The following NOL4L variants were observed in gnomAD, a reference collection of about 807,000 sequenced individuals.
NOL4L encodes nucleolar protein 4-like.
Under a neutral mutation model 64.5 loss-of-function variants are expected in NOL4L, and 7 were observed. The observed-to-expected ratio is 0.11, with a 90% CI of 0.06 to 0.20. The LOEUF (loss-of-function observed/expected upper bound fraction) is 0.20. Among genes scored for constraint, NOL4L ranks in the 10% least tolerant of loss-of-function variants. The pLI is 1.00. For synonymous variants in NOL4L, 413 were observed against 401.0 expected, an observed-to-expected ratio of 1.03 and a Z score of -0.36; for missense variants, 680 against 967.1, an observed-to-expected ratio of 0.70 and a Z score of 3.94.
chr20:32,509,909 A>T (rs1426735516), intron 4 of NOL4L: 1 of 1,304,198 alleles, frequency 7.7e-7, no homozygotes, highest in Admixed American at 2.3e-5. Flanking sequence ...AACAGTGTTT[A>T]CGAAGCCAGG....
At chr20:32,567,572 G>A (rs750449472) in intron 1 of NOL4L, among the ~76,000 whole-genome samples, 10 of 152,204 alleles carry the variant, frequency 6.6e-5, no homozygotes, top group Non-Finnish European at 1.5e-4. Context: ...CCCCACAGAG[G>A]GAGGAAACTG....
chr20:32,469,992 G>A (rs1334541980), intron 5 of NOL4L, among the ~76,000 whole-genome samples: 1 of 152,254 alleles, frequency 6.6e-6, no homozygotes, highest in Admixed American at 6.5e-5. Context: ...GCCCAGGTTG[G>A]AGGAGCGGCC....
intron 4 of NOL4L, among the ~76,000 whole-genome samples, chr20:32,497,329 C>G (rs1307579400): frequency 6.7e-6 from 1 of 150,110 alleles, no homozygotes; most frequent in African/African-American, 2.5e-5. Flanking sequence ...AAGGACCCAT[C>G]AGGCTGACAA....
intron 1 of NOL4L, among the ~76,000 whole-genome samples, chr20:32,557,057 G>T (rs536905790): frequency 1.3e-5 from 2 of 152,350 alleles, no homozygotes; most frequent in East Asian, 3.9e-4. Flanking sequence ...CTTTTCTGCA[G>T]CTGTTACAGG....
At chr20:32,565,314 G>A (rs79232117) in intron 1 of NOL4L, among the ~76,000 whole-genome samples, 19,013 of 151,982 alleles carry the variant, frequency 0.13, 1,568 homozygotes, top group African/African-American at 0.23. Flanking sequence ...GCCTGCCTGC[G>A]GCCTGAGCTT....
intron 2 of NOL4L, among the ~76,000 whole-genome samples, chr20:32,523,722 C>T (rs992770392): frequency 3.3e-5 from 5 of 152,224 alleles, no homozygotes; most frequent in South Asian, 2.1e-4. Context: ...AACTGCCCTC[C>T]GCTGCCCTGG....
At chr20:32,459,896 C>T (rs563178311) in intron 5 of NOL4L, among the ~76,000 whole-genome samples, 137 of 152,232 alleles carry the variant, frequency 9.0e-4, no homozygotes, top group Middle Eastern at 3.4e-3. Context: ...TCTATTCATA[C>T]GATGGAATAG....
intron 5 of NOL4L, among the ~76,000 whole-genome samples, chr20:32,459,841 T>G (rs748539166): frequency 2.0e-5 from 3 of 152,218 alleles, no homozygotes; most frequent in African/African-American, 7.2e-5. Context: ...ACCCATTATT[T>G]ATATTTTTAA....
At chr20:32,468,777 T>C (rs1440474060) in intron 5 of NOL4L, among the ~76,000 whole-genome samples, 1 of 151,284 alleles carries the variant, frequency 6.6e-6, no homozygotes, top group Non-Finnish European at 1.5e-5. Flanking sequence ...TGCACGCCTG[T>C]AATCCCAGCT....
chr20:32,526,542 T>C (rs2018140124), intron 2 of NOL4L, among the ~76,000 whole-genome samples: 1 of 150,458 alleles, frequency 6.6e-6, no homozygotes, highest in Non-Finnish European at 1.5e-5. Flanking sequence ...GGGGAAATTA[T>C]AGACTTTACA....
At chr20:32,562,677 C>T (rs554624815) in intron 1 of NOL4L, among the ~76,000 whole-genome samples, 30 of 152,136 alleles carry the variant, frequency 2.0e-4, no homozygotes, top group African/African-American at 5.8e-4. Context: ...AGAATGCTCC[C>T]GGCCTGGTAT....
chr20:32,488,815 T>TTC lies in NOL4L; in HGVS notation c.700-14075_700-14074dup, dbSNP rs1568648502. Among the ~76,000 whole-genome samples, 86 of 18,280 alleles carry TTC rather than the reference T, an allele frequency of 4.7e-3. 4 individuals are homozygous for TTC. Among genetic ancestry groups the TTC allele is most frequent in the Middle Eastern group, 0.023 (1 of 44 alleles). 12.0% of individuals were successfully genotyped at this position (18,280 alleles called of 152,430 possible). A position where few individuals can be genotyped will look rare whatever the true frequency, so the allele number is the denominator to read the frequency against. Reference sequence around the variant, plus strand: ...CCTTTCTTTCTTTCTTTTTCTTTCTTTCTTTCTTTCTTTTTCTTTCTTTCT... The same window carrying TTC: ...CCTTTCTTTCTTTCTTTTTCTTTCTTTCTCTTTCTTTCTTTTTCTTTCTTTCT... On this transcript the variant is annotated intron_variant, in intron 4 of 10. Transcript: ENST00000621426.
chr20:32,506,422 G>A (rs541063694), intron 4 of NOL4L, among the ~76,000 whole-genome samples: 2 of 152,210 alleles, frequency 1.3e-5, no homozygotes, highest in South Asian at 4.2e-4. Context: ...AGCACTTTGG[G>A]AGGCCGAGGA....
chr20:32,500,533 T>TTTTTTTTTTTTTA (rs1568661332), intron 4 of NOL4L, among the ~76,000 whole-genome samples: 1 of 119,048 alleles, frequency 8.4e-6, no homozygotes, highest in Non-Finnish European at 1.6e-5. Context: ...TTTTTGTATT[T>TTTTTTTTTTTTTA]CTTTCTTTTT....
chr20:32,455,266 T>C (rs1462829260), intron 6 of NOL4L, among the ~76,000 whole-genome samples: 2 of 152,218 alleles, frequency 1.3e-5, no homozygotes, highest in Non-Finnish European at 2.9e-5. Flanking sequence ...ACAGCAGCTA[T>C]GCCTGTCCCT....
chr20:32,541,746 A>C (rs538683611), intron 1 of NOL4L, among the ~76,000 whole-genome samples: 5 of 152,360 alleles, frequency 3.3e-5, no homozygotes, highest in African/African-American at 1.2e-4. Flanking sequence ...GGCGGGGTAA[A>C]TGGGCCAGCC....
At chr20:32,566,970 C>T (rs1979468919) in intron 1 of NOL4L, among the ~76,000 whole-genome samples, 1 of 152,234 alleles carries the variant, frequency 6.6e-6, no homozygotes, top group South Asian at 2.1e-4. Flanking sequence ...GTGAATCAAA[C>T]TGAGGCCCAG....
At chr20:32,488,782 CCTTCCTTCCTTTCTTTCTTTCT>C (rs2016236944) in intron 4 of NOL4L, among the ~76,000 whole-genome samples, 1 of 45,756 alleles carries the variant, frequency 2.2e-5, no homozygotes, top group African/African-American at 2.0e-4. Context: ...TTCCTTCCTT[CCTTCCTTCCTTTCTTTCTTTCT>C]TTTTCTTTCT....
At chr20:32,536,532 CGTGCGCCCCGGCGGGGAGG>C (rs2018531275) in intron 1 of NOL4L, 2 of 92,832 alleles carry the variant, frequency 2.2e-5, no homozygotes, top group African/African-American at 8.5e-5. Context: ...GGCGCAGGCG[CGTGCGCCCCGGCGGGGAGG>C]GGCGGGAAGG....
Sources: gnomAD v4.1 joint callset for allele counts (sites outside exome capture counted in the v4.1 genomes callset) on GRCh38, gnomAD v4.1.1 for gene constraint, MANE v1.5 for transcripts, NCBI Gene and HGNC (gene_info 2026-07-23, HGNC 2026-07-21) for gene names.